Variants in CIP2A observed in about 807,000 individuals in gnomAD.
The protein encoded by CIP2A is protein CIP2A.
A neutral mutation model predicts 110.9 loss-of-function variants in CIP2A; 103 were observed. The observed-to-expected ratio is 0.93, with a 90% CI of 0.79 to 1.09. The LOEUF is 1.09. Among genes scored for constraint, CIP2A ranks in the 50% least tolerant of loss-of-function variants. The pLI is 0.00. For missense variants in CIP2A, 1,088 were observed against 1,038.4 expected, an observed-to-expected ratio of 1.05 and a Z score of -0.66; for synonymous variants, 381 against 361.6, an observed-to-expected ratio of 1.05 and a Z score of -0.61.
chr3:108,554,153 C>T (rs1187401707), intron 18 of CIP2A, among the ~76,000 whole-genome samples: 1 of 152,058 alleles, frequency 6.6e-6, no homozygotes, highest in East Asian at 1.9e-4. Flanking sequence ...ACCTCAGCCT[C>T]CCAAAGTGCT....
chr3:108,571,590 T>G (rs1276115603), intron 8 of CIP2A, among the ~76,000 whole-genome samples: 1 of 152,222 alleles, frequency 6.6e-6, no homozygotes, highest in African/African-American at 2.4e-5. Context: ...TAGCTTTCCA[T>G]GTACATTAGT....
At chr3:108,566,385 C>T in intron 11 of CIP2A, 112 bp downstream of exon 11, 1 of 716,088 alleles carries the variant, frequency 1.4e-6, no homozygotes, top group South Asian at 2.3e-5. Context: ...GTTTGTTAAT[C>T]TGTTATATCT....
At chr3:108,561,356 A>G (rs762739696) in intron 13 of CIP2A, among the ~76,000 whole-genome samples, 5 of 152,138 alleles carry the variant, frequency 3.3e-5, no homozygotes, top group Non-Finnish European at 5.9e-5. Context: ...TCTCTTAACT[A>G]AAGTGCAAAC....
At chr3:108,568,546 C>CT (rs1210267014) in intron 9 of CIP2A, among the ~76,000 whole-genome samples, 5 of 151,798 alleles carry the variant, frequency 3.3e-5, no homozygotes, top group African/African-American at 1.2e-4. Context: ...ACAAATAAGA[C>CT]TTTTTTAAAC....
chr3:108,560,119 A>C (rs1446864109), intron 14 of CIP2A, 91 bp from the exon 15 acceptor site: 1 of 695,594 alleles, frequency 1.4e-6, no homozygotes, highest in African/African-American at 1.8e-5. Context: ...TAAATCATTA[A>C]AACTTAATGA....
intron 9 of CIP2A, among the ~76,000 whole-genome samples, chr3:108,568,950 A>G (rs1938280934): frequency 6.6e-6 from 1 of 151,072 alleles, no homozygotes; most frequent in Admixed American, 6.6e-5. Context: ...CAGAATGTGG[A>G]GTTTTGTCTG....
chr3:108,570,954 G>A (rs1938384229), intron 8 of CIP2A, among the ~76,000 whole-genome samples: 1 of 152,004 alleles, frequency 6.6e-6, no homozygotes, highest in Non-Finnish European at 1.5e-5. Context: ...TAGTCTATCA[G>A]TTTTTTCTAT....
At chr3:108,584,107 GAA>G (rs1938969898) in intron 2 of CIP2A, among the ~76,000 whole-genome samples, 1 of 152,120 alleles carries the variant, frequency 6.6e-6, no homozygotes, top group Non-Finnish European at 1.5e-5. Flanking sequence ...TTATCTAATA[GAA>G]ACACACTAAT....
chr3:108,552,263 C>T lies in CIP2A; in HGVS notation c.2518G>A (p.Glu840Lys). The T allele has an allele frequency of 6.4e-7, 1 of 1,574,434 alleles. No homozygotes were observed. The highest frequency in any genetic ancestry group is 8.6e-7 in the Non-Finnish European group (1 of 1,162,572). ...DILRKELSRT[E>K]QIRKELSIKA... ...ATGCTCAACTCTTTTCTTATCTGTT[C>T]TGTTCTGCTTAATTCTTTTCTAAGG... The change falls in exon 20 of 21, where the codon GAA becomes AAA. Residue 840 changes from glutamate to lysine, a missense_variant. By Grantham distance (56) the Glu-to-Lys change is moderately conservative. Coordinates refer to ENST00000295746, the MANE Select transcript of CIP2A (RefSeq NM_020890.3).
intron 2 of CIP2A, among the ~76,000 whole-genome samples, chr3:108,584,090 A>G (rs952640276): frequency 2.6e-5 from 4 of 152,190 alleles, no homozygotes; most frequent in Admixed American, 1.3e-4. Context: ...AGAAATTCTA[A>G]TGGAATTTAT....
chr3:108,575,232 T>C (rs1039771549), intron 8 of CIP2A, among the ~76,000 whole-genome samples: 3 of 152,158 alleles, frequency 2.0e-5, no homozygotes, highest in Non-Finnish European at 2.9e-5. Flanking sequence ...TATGCTTTTA[T>C]TTATACAAAG....
intron 8 of CIP2A, among the ~76,000 whole-genome samples, chr3:108,575,903 C>CGT (rs1559699776): frequency 7.6e-6 from 1 of 131,148 alleles, no homozygotes; most frequent in African/African-American, 3.0e-5. Context: ...AGTATATATA[C>CGT]ATATATACAT....
rs1229788029 is a variant in CIP2A at position 108,551,333 on chromosome 3, G to A, written c.2548-14C>T. On this transcript the variant is annotated splice_polypyrimidine_tract_variant and intron_variant, in intron 20 of 20. Coordinates refer to ENST00000295746, the MANE Select transcript of CIP2A (RefSeq NM_020890.3). The stretch of plus-strand genomic sequence containing the variant: ...TAGGGAGGAAGCCTAAGGAATTGGG[G>A]TTGGGGGAGGAGGAAGAATTGAGAA... 5.1e-6 allele frequency: 8 copies of A among 1,581,674 alleles called. No homozygotes were observed. Among genetic ancestry groups the A allele is most frequent in the Non-Finnish European group, 6.9e-6 (8 of 1,162,992 alleles).
At chr3:108,581,574 T>G (rs1285311340) in intron 4 of CIP2A, 63 bp from the exon 5 acceptor site, 2 of 947,464 alleles carry the variant, frequency 2.1e-6, no homozygotes, top group South Asian at 1.4e-5. Context: ...AGCATTAACA[T>G]TATTCTAAGT....
chr3:108,582,460 G>A (rs1200916274), intron 3 of CIP2A, among the ~76,000 whole-genome samples: 2 of 152,152 alleles, frequency 1.3e-5, no homozygotes, highest in Admixed American at 6.5e-5. Flanking sequence ...AAACACACAT[G>A]TAGTCCATCA....
At chr3:108,555,007 A>G (rs1001462050) in intron 17 of CIP2A, among the ~76,000 whole-genome samples, 2 of 152,228 alleles carry the variant, frequency 1.3e-5, no homozygotes, top group Non-Finnish European at 2.9e-5. Flanking sequence ...AAAAAAAACC[A>G]GTAGCCAAAC....
Position 108,569,501 on chromosome 3 carries a change from T to C in CIP2A, c.1001A>G (p.His334Arg). The C allele has an allele frequency of 1.2e-6, 2 of 1,612,904 alleles. No homozygotes were observed. Among genetic ancestry groups the C allele is most frequent in the South Asian group, 1.1e-5 (1 of 91,062 alleles). The change falls in exon 9 of 21, where the codon CAT becomes CGT. Residue 334 changes from histidine to arginine, a missense_variant. His to Arg is a conservative substitution (Grantham distance 29). Coordinates refer to ENST00000295746, the MANE Select transcript of CIP2A (RefSeq NM_020890.3). ...CACAGTAGGTTCTAAACATTTAGTA[T>C]GGCTTCCCAGAGTGGCGCTGCCAGG... ...SPPGSATLGS[H>R]TKCLEPTVAL...
At chr3:108,584,994 A>C (rs1938997931) in intron 2 of CIP2A, 71 bp downstream of exon 2, 1 of 1,387,712 alleles carries the variant, frequency 7.2e-7, no homozygotes, top group African/African-American at 1.4e-5. Context: ...AGATTCTATA[A>C]CTAAGCCTGC....
chr3:108,583,206 TTTTC>T (rs1263140365), intron 2 of CIP2A, 123 bp from the exon 3 acceptor site: 11 of 460,920 alleles, frequency 2.4e-5, no homozygotes, highest in South Asian at 1.4e-4. Context: ...TATTTTCTTA[TTTTC>T]TTTATGATAA....
Sources: allele counts gnomAD v4.1 joint callset (sites outside exome capture counted in the v4.1 genomes callset), GRCh38; gene constraint gnomAD v4.1.1; transcripts MANE v1.5; gene names NCBI Gene and HGNC (gene_info 2026-07-23, HGNC 2026-07-21).